Variants in RGS3 observed in about 807,000 individuals in gnomAD.
RGS3 encodes regulator of G protein signaling 3.
RGS3 carries 80 observed loss-of-function variants against 132.6 expected under a neutral mutation model. The ratio of observed to expected loss-of-function variants is 0.60; its 90% CI spans 0.50 to 0.73. The LOEUF (loss-of-function observed/expected upper bound fraction) is 0.73. Among genes scored for constraint, RGS3 ranks in the 30% least tolerant of loss-of-function variants. RGS3 has a pLI of 0.00. For missense variants in RGS3, 1,382 were observed against 1,530.8 expected, an observed-to-expected ratio of 0.90 and a Z score of 1.62; for synonymous variants, 598 against 620.6, an observed-to-expected ratio of 0.96 and a Z score of 0.54.
At chr9:113,514,571 G>T (rs1831558772) in exon 15 of RGS3, 16 of 1,614,192 alleles carry the variant, frequency 9.9e-6, no homozygotes, top group East Asian at 2.2e-5. Context: ...CTGCCCGGTT[G>T]TGAGGCCGCA....
At chr9:113,521,847 A>G (rs1831973876) in intron 16 of RGS3, among the ~76,000 whole-genome samples, 1 of 152,236 alleles carries the variant, frequency 6.6e-6, no homozygotes, top group African/African-American at 2.4e-5. Context: ...AGTCCAACAC[A>G]CACTCACGGT....
chr9:113,594,507 C>T (rs764699645), exon 22 of RGS3: 47 of 1,613,538 alleles, frequency 2.9e-5, no homozygotes, highest in Non-Finnish European at 3.5e-5. Flanking sequence ...GCGGGCAAGG[C>T]AGACAAAATG....
intron 3 of RGS3, among the ~76,000 whole-genome samples, chr9:113,472,076 C>T (rs1349881616): frequency 6.6e-6 from 1 of 152,058 alleles, no homozygotes; most frequent in Non-Finnish European, 1.5e-5. Flanking sequence ...CAATGAGATA[C>T]TATCATACTA....
chr9:113,457,688 C>T (rs1325109706), upstream of RGS3, among the ~76,000 whole-genome samples: 1 of 152,190 alleles, frequency 6.6e-6, no homozygotes, highest in African/African-American at 2.4e-5. Flanking sequence ...ACTAGTTTAG[C>T]AACCTGATTC....
rs1345091632 is a variant in RGS3 at position 113,538,284 on chromosome 9, G to C, written c.2037+1366G>C. 2.0e-5 allele frequency among the ~76,000 whole-genome samples: 3 copies of C among 152,202 alleles called. No homozygotes were observed. The East Asian group carries it at 5.8e-4, about 29-fold the overall frequency. ...CAGCACTGGCTGGTTGCCACTGTCAGGTTCTTCTACTGAGCAGAGACCTGT... is the reference window on the plus strand; with the variant it reads ...CAGCACTGGCTGGTTGCCACTGTCACGTTCTTCTACTGAGCAGAGACCTGT... On this transcript the variant is annotated intron_variant, in intron 19 of 24. Coordinates refer to ENST00000350696, the Ensembl canonical transcript of RGS3.
intron 20 of RGS3, among the ~76,000 whole-genome samples, chr9:113,587,467 G>GT (rs1835175066): frequency 6.6e-6 from 1 of 152,216 alleles, no homozygotes; most frequent in African/African-American, 2.4e-5. Context: ...CCTTGGCCAA[G>GT]TTGCTTCTTT....
At position 113,449,981 on chromosome 9, in the gene RGS3, G is replaced by A. The variant is rs548066858; in HGVS notation, c.-13+5054G>A. Among the ~76,000 whole-genome samples, 4 of 152,188 alleles carry A rather than the reference G, an allele frequency of 2.6e-5. No homozygotes were observed. The South Asian group carries it at 8.3e-4, about 32-fold the overall frequency. On this transcript the variant is annotated intron_variant, in intron 1 of 25. Transcript: ENST00000374140. ...GCTGGTCTTGAACTCCTGACCTCAGGTGATCTGCCCACCTCGGCCTCCCAA... is the reference window on the plus strand; with the variant it reads ...GCTGGTCTTGAACTCCTGACCTCAGATGATCTGCCCACCTCGGCCTCCCAA...
intron 1 of RGS3, among the ~76,000 whole-genome samples, chr9:113,447,282 A>G (rs1194359549): frequency 7.6e-6 from 1 of 131,216 alleles, no homozygotes; most frequent in Non-Finnish European, 1.6e-5. Flanking sequence ...AAAAAAAAAG[A>G]AAAATACAGG....
intron 19 of RGS3, among the ~76,000 whole-genome samples, chr9:113,570,804 T>C (rs1160855440): frequency 6.6e-6 from 1 of 152,050 alleles, no homozygotes; most frequent in Non-Finnish European, 1.5e-5. Context: ...GCCCGGCTAA[T>C]TTTTGTATTT....
At position 113,594,468 on chromosome 9, in the gene RGS3, G is replaced by A. The variant is rs377319819; in HGVS notation, c.3119G>A (p.Arg1040Gln). 1.0e-4 allele frequency: 167 copies of A among 1,613,616 alleles called. 1 individual carries two copies. In the East Asian group the frequency reaches 2.0e-3, roughly 19 times the overall value. ...AAGAACAAGCTGGGGATCTTCAGAC[G>A]GCGGAATGAGTCCCCTGGAGCCCCT... is the stretch of plus-strand genomic sequence containing the variant. The change falls in exon 22 of 25, where the codon CGG (arginine) becomes CAG (glutamine). Residue 1040 changes from arginine (R) to glutamine (Q), a missense_variant. Transcript: ENST00000350696.
intron 21 of RGS3, chr9:113,593,599 C>T (rs1445632840): frequency 2.8e-6 from 1 of 357,588 alleles, no homozygotes. Flanking sequence ...ATATTCATGA[C>T]TGGATGTCGC....
chr9:113,538,161 T>C (rs936777812), intron 19 of RGS3, among the ~76,000 whole-genome samples: 1 of 152,218 alleles, frequency 6.6e-6, no homozygotes, highest in African/African-American at 2.4e-5. Flanking sequence ...AGGGTGCATA[T>C]ACGGGCTATA....
chr9:113,534,780 T>G (rs1318447096), intron 18 of RGS3, among the ~76,000 whole-genome samples: 1 of 151,840 alleles, frequency 6.6e-6, no homozygotes, highest in African/African-American at 2.4e-5. Context: ...CCCAATTAAT[T>G]TTTTTTTAAA....
intron 3 of RGS3, among the ~76,000 whole-genome samples, chr9:113,469,542 A>C (rs1829760836): frequency 6.6e-6 from 1 of 152,128 alleles, no homozygotes. Flanking sequence ...TTGAAATATT[A>C]TACAGACAGA....
intron 18 of RGS3, among the ~76,000 whole-genome samples, chr9:113,533,766 C>G (rs545242240): frequency 2.0e-5 from 3 of 152,320 alleles, no homozygotes; most frequent in South Asian, 2.1e-4. Context: ...CCTCACCCCC[C>G]ACCTTTACAT....
intron 7 of RGS3, among the ~76,000 whole-genome samples, chr9:113,494,825 T>C (rs2119269959): frequency 6.6e-6 from 1 of 152,304 alleles, no homozygotes; most frequent in African/African-American, 2.4e-5. Context: ...TTATTGGACA[T>C]TGAGCCTCAA....
chr9:113,537,183 G>A lies in RGS3; in HGVS notation c.2037+265G>A, dbSNP rs1038265797. ...CATCAGTTCTGCACTCTGTTCTTCG[G>A]TTTGCCTATGGCAAGGTTTAATTCG... On this transcript the variant is annotated intron_variant, in intron 19 of 24. Transcript: ENST00000350696. The surrounding 1 kb of genome is among the most constrained non-coding windows in gnomAD (Gnocchi z 4.3). Among the ~76,000 whole-genome samples, 8 of 152,240 alleles carry A rather than the reference G, an allele frequency of 5.3e-5. No individual in the cohort carries two copies. Among genetic ancestry groups the A allele is most frequent in the Admixed American group, 5.2e-4 (8 of 15,288 alleles).
intron 15 of RGS3, 59 bp from the exon 14 acceptor site, chr9:113,517,482 C>T (rs1008030682): frequency 1.9e-4 from 269 of 1,398,554 alleles, no homozygotes; most frequent in Non-Finnish European, 2.0e-4. Flanking sequence ...CTGCTTCCTC[C>T]CCCCGGGTCC....
chr9:113,571,442 C>A (rs1292054094), intron 19 of RGS3, among the ~76,000 whole-genome samples: 2 of 152,172 alleles, frequency 1.3e-5, no homozygotes, highest in Admixed American at 1.3e-4. Context: ...CTAATTGTGG[C>A]TTTAATTTGA....
Sources: allele counts gnomAD v4.1 joint callset (sites outside exome capture counted in the v4.1 genomes callset), GRCh38; gene constraint gnomAD v4.1.1; non-coding constraint Gnocchi (gnomAD v3.1); transcripts MANE v1.5; gene names NCBI Gene and HGNC (gene_info 2026-07-23, HGNC 2026-07-21).